The following KDM4A variants were observed in gnomAD, a reference collection of about 807,000 sequenced individuals.
The protein encoded by KDM4A is lysine-specific demethylase 4A.
A neutral mutation model predicts 127.1 loss-of-function variants in KDM4A; 23 were observed. The observed-to-expected ratio is 0.18, with a 90% confidence interval of 0.13 to 0.26. The LOEUF (loss-of-function observed/expected upper bound fraction) is 0.26, where lower values mean the gene tolerates loss of function less well. KDM4A is among the 10% of genes least tolerant of loss of function. The pLI is 1.00. For synonymous variants in KDM4A, 443 were observed against 466.5 expected (o/e 0.95, Z 0.65); for missense variants, 890 against 1,329.1 (o/e 0.67, Z 5.14).
chr1:43,660,821 C>A (rs904040953), intron 4 of KDM4A, among the ~76,000 whole-genome samples: 6 of 152,038 alleles, frequency 3.9e-5, no homozygotes, highest in Non-Finnish European at 5.9e-5. Context: ...AACCCTCAAA[C>A]AAGATTCTGT....
chr1:43,702,477 G>A (rs1365929946), intron 19 of KDM4A: 2 of 152,132 alleles, frequency 1.3e-5, no homozygotes, highest in Non-Finnish European at 2.9e-5. Context: ...GCAGATGTGA[G>A]CATCCACATC....
intron 19 of KDM4A, among the ~76,000 whole-genome samples, chr1:43,698,421 T>C (rs1227381387): frequency 6.6e-6 from 1 of 152,224 alleles, no homozygotes; most frequent in African/African-American, 2.4e-5. Flanking sequence ...AGTAGATGTA[T>C]AGAATCTGCT....
chr1:43,654,836 C>T (rs1177381545), intron 2 of KDM4A, among the ~76,000 whole-genome samples: 3 of 142,812 alleles, frequency 2.1e-5, no homozygotes, highest in Non-Finnish European at 1.5e-5. Flanking sequence ...TCTTACTTAA[C>T]TATTCAAGAT....
chr1:43,692,719 C>T (rs1401391984), intron 16 of KDM4A, among the ~76,000 whole-genome samples: 1 of 152,204 alleles, frequency 6.6e-6, no homozygotes, highest in Non-Finnish European at 1.5e-5. Context: ...TGGCTCAGAC[C>T]TGCTGTTTGG....
At position 43,654,784 on chromosome 1, in the gene KDM4A, TAAA is replaced by T. The variant is rs529929496; in HGVS notation, c.139-797_139-795del. 5.0e-5 allele frequency among the ~76,000 whole-genome samples: 7 copies of T among 140,888 alleles called. No homozygotes were observed. In the East Asian group the frequency reaches 1.4e-3, roughly 28 times the overall value. 92.4% of individuals were successfully genotyped at this position (140,888 alleles called of 152,430 possible). A position where few individuals can be genotyped will look rare whatever the true frequency, so the allele number is the denominator to read the frequency against. ...ATAAAGTAAAACAATACTCTCTAAT[TAAA>T]AAAAAAAAAGCTGTATAGTATTCCA... On this transcript the variant is annotated intron_variant, in intron 2 of 21. Coordinates refer to ENST00000372396, the MANE Select transcript of KDM4A (RefSeq NM_014663.3).
intron 3 of KDM4A, among the ~76,000 whole-genome samples, chr1:43,657,437 G>T (rs367633838): frequency 1.3e-5 from 2 of 151,966 alleles, no homozygotes; most frequent in African/African-American, 4.8e-5. Flanking sequence ...TCTTGACCTC[G>T]TGATCCACCC....
At position 43,693,651 on chromosome 1, in the gene KDM4A, G is replaced by C. The variant is rs768954425; in HGVS notation, c.2376-343G>C. ...GGAAGCACTTGGGTCCTATGGTAAA[G>C]AGGTCTGCATAGAGCTTTCCAGTTT... On this transcript the variant is annotated intron_variant, in intron 16 of 21. Coordinates refer to ENST00000372396, the MANE Select transcript of KDM4A (RefSeq NM_014663.3). This position sits in a 1 kb window ranked among gnomAD's most constrained non-coding sequence, Gnocchi z 4.2. 1.3e-5 allele frequency among the ~76,000 whole-genome samples: 2 copies of C among 151,546 alleles called. No individual in the cohort carries two copies. Among genetic ancestry groups the C allele is most frequent in the Non-Finnish European group, 2.9e-5 (2 of 68,030 alleles).
intron 15 of KDM4A, among the ~76,000 whole-genome samples, 174 bp from the exon 16 acceptor site, chr1:43,692,082 G>A (rs568752189): frequency 6.6e-6 from 1 of 152,332 alleles, no homozygotes; most frequent in African/African-American, 2.4e-5. Context: ...AGCCCTGAGT[G>A]GCCTCTCCTT....
chr1:43,689,163 A>G, intron 13 of KDM4A, 68 bp downstream of exon 13: 2 of 1,499,574 alleles, frequency 1.3e-6, no homozygotes, highest in South Asian at 1.2e-5. Context: ...TTTAATTGTG[A>G]GTATATAGCT....
At chr1:43,692,143 A>G (rs1279747382) in intron 15 of KDM4A, 113 bp from the exon 16 acceptor site, 12 of 939,184 alleles carry the variant, frequency 1.3e-5, no homozygotes, top group Non-Finnish European at 1.9e-5. Context: ...CCCACATGCT[A>G]TTATGCTTCT....
chr1:43,677,175 T>C (rs564068049), intron 11 of KDM4A, among the ~76,000 whole-genome samples: 31 of 152,138 alleles, frequency 2.0e-4, no homozygotes, highest in African/African-American at 7.5e-4. Flanking sequence ...TGAAACCTTG[T>C]CTTTACTAAA....
At chr1:43,686,151 G>GTTTTTTTTTTTTTTTTT (rs35512755) in intron 12 of KDM4A, among the ~76,000 whole-genome samples, 1 of 97,906 alleles carries the variant, frequency 1.0e-5, no homozygotes, top group Non-Finnish European at 1.9e-5. Context: ...TTTGTTTCTT[G>GTTTTTTTTTTTTTTTTT]TTTTTTTTTT....
chr1:43,661,839 A>G (rs1413413805), intron 4 of KDM4A, among the ~76,000 whole-genome samples: 1 of 152,102 alleles, frequency 6.6e-6, no homozygotes, highest in Non-Finnish European at 1.5e-5. Context: ...CACATTTTTT[A>G]TGAAGACACT....
intron 12 of KDM4A, among the ~76,000 whole-genome samples, chr1:43,685,942 G>A (rs953690758): frequency 6.6e-6 from 1 of 151,946 alleles, no homozygotes; most frequent in African/African-American, 2.4e-5. Context: ...CTCCCTGATT[G>A]GTTTAAAGCA....
intron 12 of KDM4A, among the ~76,000 whole-genome samples, chr1:43,685,701 G>C (rs1186714654): frequency 1.3e-5 from 2 of 152,174 alleles, no homozygotes; most frequent in South Asian, 2.1e-4. Flanking sequence ...CCAGGAGGCA[G>C]AATTTGCAGT....
In KDM4A at chr1:43,688,379, G is replaced by T. The variant is rs556456936; in HGVS notation, c.1856-535G>T. On this transcript the variant is annotated intron_variant, in intron 12 of 21. Transcript: ENST00000372396. This position sits in a 1 kb window ranked among gnomAD's most constrained non-coding sequence, Gnocchi z 4.4. ...GGTTGGGGAGCCTTGTCCAGAATAG[G>T]TACATACTGCTGACCTTTCCAGAGG... Among the ~76,000 whole-genome samples the T allele has an allele frequency of 1.3e-5, 2 of 152,156 alleles. No homozygotes were observed. Among genetic ancestry groups the T allele is most frequent in the Non-Finnish European group, 2.9e-5 (2 of 68,034 alleles).
chr1:43,671,452 GT>G lies in KDM4A; in HGVS notation c.1364-51del. 2.0e-6 allele frequency: 3 copies of G among 1,491,424 alleles called. No homozygotes were observed. The South Asian group carries it at 4.3e-5, about 21-fold the overall frequency. 92.4% of individuals were successfully genotyped at this position (1,491,424 alleles called of 1,614,324 possible). ...TGCTTTGCCCTCTGCCTTTCATCAGGTTCACATGTGCAGGAGGAACTTGGCT... is the reference window on the plus strand; with the variant it reads ...TGCTTTGCCCTCTGCCTTTCATCAGGTCACATGTGCAGGAGGAACTTGGCT... On this transcript the variant is annotated intron_variant, in intron 10 of 21. Coordinates refer to ENST00000372396, the MANE Select transcript of KDM4A (RefSeq NM_014663.3).
chr1:43,660,208 CACTGGAAT>C, intron 3 of KDM4A, 82 bp from the exon 4 acceptor site: 2 of 1,368,436 alleles, frequency 1.5e-6, no homozygotes, highest in Non-Finnish European at 2.0e-6. Context: ...TTCTTGCTGT[CACTGGAAT>C]AGGGGATTAT....
chr1:43,698,740 T>C (rs992346285), intron 19 of KDM4A, among the ~76,000 whole-genome samples: 4 of 152,234 alleles, frequency 2.6e-5, no homozygotes, highest in African/African-American at 7.2e-5. Flanking sequence ...GGTAGACTTA[T>C]AGAAAAGGCG....
Sources: allele counts gnomAD v4.1 joint callset (sites outside exome capture counted in the v4.1 genomes callset), GRCh38; gene constraint gnomAD v4.1.1; non-coding constraint Gnocchi (gnomAD v3.1); transcripts MANE v1.5; gene names NCBI Gene and HGNC (gene_info 2026-07-23, HGNC 2026-07-21).